The following XPO6 variants were observed in gnomAD, a reference collection of about 807,000 sequenced individuals.
XPO6 encodes exportin 6.
A neutral mutation model predicts 130.0 loss-of-function variants in XPO6; 3 were observed. That is an observed-to-expected ratio of 0.02 (90% CI 0.01 to 0.06). The LOEUF (loss-of-function observed/expected upper bound fraction) is 0.06, where lower values mean the gene tolerates loss of function less well. Among genes scored for constraint, XPO6 ranks in the 10% least tolerant of loss-of-function variants. The probability of loss-of-function intolerance (pLI) is 1.00; values close to 1 mark genes in which losing one functional copy is unlikely to be tolerated. For synonymous variants in XPO6, 524 were observed against 548.9 expected (o/e 0.95, Z 0.63); for missense variants, 970 against 1,393.0 (o/e 0.70, Z 4.83).
At chr16:28,177,457 G>T in intron 2 of XPO6, 125 bp from the exon 3 acceptor site, 2 of 550,516 alleles carry the variant, frequency 3.6e-6, no homozygotes, top group Non-Finnish European at 6.6e-6. Flanking sequence ...CAAAACCAGC[G>T]GATTCTTTAA....
chr16:28,204,641 T>C (rs2044000904), intron 1 of XPO6, among the ~76,000 whole-genome samples: 1 of 152,134 alleles, frequency 6.6e-6, no homozygotes, highest in Non-Finnish European at 1.5e-5. Flanking sequence ...TGTTGGGTTA[T>C]AGGTGTCCTG....
At position 28,211,595 on chromosome 16, in the gene XPO6, C is replaced by T. The variant is rs1315914487; in HGVS notation, c.-227G>A. 7.3e-6 allele frequency: 3 copies of T among 412,440 alleles called. No homozygotes were observed. Among genetic ancestry groups the T allele is most frequent in the East Asian group, 7.1e-5 (2 of 28,042 alleles). 25.5% of individuals were successfully genotyped at this position (412,440 alleles called of 1,614,324 possible). ...ATTCATCCAGACCCACCCGCCCCTC[C>T]CCAAGGAAACTGAAAAAGCAGGAAA... On this transcript the variant is annotated 5_prime_UTR_variant, in exon 1 of 24. Transcript: ENST00000304658.
At chr16:28,168,047 A>G (rs866047129) in intron 5 of XPO6, among the ~76,000 whole-genome samples, 3 of 152,302 alleles carry the variant, frequency 2.0e-5, no homozygotes, top group African/African-American at 4.8e-5. Context: ...AATATACTAA[A>G]AGCCGGTCAA....
intron 13 of XPO6, among the ~76,000 whole-genome samples, 166 bp from the exon 14 acceptor site, chr16:28,121,928 T>C (rs1368038055): frequency 6.6e-6 from 1 of 152,202 alleles, no homozygotes; most frequent in Admixed American, 6.5e-5. Context: ...ATCTGAGATA[T>C]GCATAAAGAT....
chr16:28,139,642 T>C (rs1300394940), intron 9 of XPO6, among the ~76,000 whole-genome samples: 1 of 152,054 alleles, frequency 6.6e-6, no homozygotes, highest in African/African-American at 2.4e-5. Context: ...GCTAAAGGAC[T>C]CTAATCTATA....
intron 11 of XPO6, 72 bp downstream of exon 11, chr16:28,133,769 G>T: frequency 7.1e-7 from 1 of 1,407,786 alleles, no homozygotes; most frequent in South Asian, 1.2e-5. Flanking sequence ...GAGAGATCCA[G>T]GGGAGTCAAC....
rs903692777 is a variant in XPO6 at position 28,109,725 on chromosome 16, A to G, written c.2342-2048T>C. Among the ~76,000 whole-genome samples, 5 of 152,246 alleles carry G rather than the reference A, an allele frequency of 3.3e-5. 1 individual carries two copies. Among genetic ancestry groups the G allele is most frequent in the African/African-American group, 1.2e-4 (5 of 41,462 alleles). On this transcript the variant is annotated intron_variant, in intron 17 of 23. Transcript: ENST00000304658. ...TAAAGAGATATAACAACCAAACACA[A>G]TAAAACTATCCTAGATTACATCCTG...
At chr16:28,126,173 ACAAGGAGGCACACC>A in intron 12 of XPO6, among the ~76,000 whole-genome samples, 1 of 152,304 alleles carries the variant, frequency 6.6e-6, no homozygotes, top group Non-Finnish European at 1.5e-5. Context: ...ACTGTTACAT[ACAAGGAGGCACACC>A]CAGGGAGGCC....
intron 8 of XPO6, among the ~76,000 whole-genome samples, chr16:28,150,097 C>A (rs890635751): frequency 6.6e-6 from 1 of 152,172 alleles, no homozygotes; most frequent in African/African-American, 2.4e-5. Context: ...GGTTTACCCA[C>A]AGTAAGCTGG....
chr16:28,116,582 G>T (rs1404008755), intron 15 of XPO6, among the ~76,000 whole-genome samples: 1 of 151,926 alleles, frequency 6.6e-6, no homozygotes, highest in Non-Finnish European at 1.5e-5. Context: ...AGAGACATGT[G>T]ACTCTTCCTT....
chr16:28,139,489 C>T lies in XPO6; in HGVS notation c.1335-4165G>A, dbSNP rs536059710. Among the ~76,000 whole-genome samples, 5 of 152,288 alleles carry T rather than the reference C, an allele frequency of 3.3e-5. No homozygotes were observed. In the East Asian group the frequency reaches 9.6e-4, roughly 29 times the overall value. ...AAGGAAGGAAAAGCAAGAGAAATGG[C>T]AATGTCTGGGTAAATCTAATAGACT... is the stretch of plus-strand genomic sequence containing the variant. On this transcript the variant is annotated intron_variant, in intron 9 of 23. Transcript: ENST00000304658.
intron 9 of XPO6, among the ~76,000 whole-genome samples, chr16:28,136,251 C>T (rs2141292267): frequency 6.6e-6 from 1 of 152,270 alleles, no homozygotes; most frequent in South Asian, 2.1e-4. Flanking sequence ...GACAGAGTCT[C>T]CTCTGTCACC....
rs115887233 is a variant in XPO6, at chr16:28,161,936, T to C, written c.643+4572A>G. Among the ~76,000 whole-genome samples the C allele has an allele frequency of 5.5e-3, 833 of 152,342 alleles. 7 individuals are homozygous for C. Among genetic ancestry groups the C allele is most frequent in the African/African-American group, 0.019 (781 of 41,580 alleles). On this transcript the variant is annotated intron_variant, in intron 6 of 23. Transcript: ENST00000304658. ...TTTAAATACAGAAAAATATTCCTAA[T>C]TGTTCTCCTCTGTATTAAAGTGAAA...
chr16:28,101,552 A>T lies in XPO6; in HGVS notation c.3182T>A (p.Phe1061Tyr), dbSNP rs1292672455. 1.2e-6 allele frequency: 2 copies of T among 1,614,250 alleles called. No individual in the cohort carries two copies. Among genetic ancestry groups the T allele is most frequent in the Non-Finnish European group, 1.7e-6 (2 of 1,180,054 alleles). The stretch of plus-strand genomic sequence containing the variant: ...GAACTCTGGGAGGAAGGCGGCAAAG[A>T]AGCCATCAAAGTCGACTGAGGCCAT... ...YNMASVDFDG[F>Y]FAAFLPEFLT... is the part of the protein sequence containing the mutation. Residue 1061 changes from phenylalanine to tyrosine, a missense_variant, in exon 23 of 24, where the codon TTC (phenylalanine) becomes TAC (tyrosine). Physicochemically the swap from Phe to Tyr is conservative, Grantham distance 22 (BLOSUM62 3). Around this residue, in one of 4 missense-constraint regions of XPO6, gnomAD observed 936 missense variants for 1,306.8 expected, o/e 0.72. Coordinates refer to ENST00000304658, the MANE Select transcript of XPO6 (RefSeq NM_015171.4). This position sits in a 1 kb window ranked among gnomAD's most constrained non-coding sequence, Gnocchi z 5.4.
chr16:28,104,196 GGCAGCTCCCC>G (rs1328251110), intron 21 of XPO6, among the ~76,000 whole-genome samples: 2 of 152,168 alleles, frequency 1.3e-5, no homozygotes, highest in African/African-American at 4.8e-5. Flanking sequence ...CTCATATTCA[GGCAGCTCCCC>G]GCTAAGAAGG....
chr16:28,199,050 G>A (rs1384788844), intron 1 of XPO6, among the ~76,000 whole-genome samples: 2 of 152,158 alleles, frequency 1.3e-5, no homozygotes, highest in African/African-American at 4.8e-5. Flanking sequence ...TAAGGCAGGA[G>A]AATCGCTTGA....
intron 15 of XPO6, among the ~76,000 whole-genome samples, chr16:28,113,518 A>C (rs2086981657): frequency 6.6e-6 from 1 of 152,220 alleles, no homozygotes; most frequent in East Asian, 1.9e-4. Context: ...TGGTTCAATT[A>C]CCACTGTTGC....
intron 14 of XPO6, among the ~76,000 whole-genome samples, chr16:28,120,815 G>C (rs1323871047): frequency 1.3e-5 from 2 of 152,204 alleles, no homozygotes; most frequent in Non-Finnish European, 2.9e-5. Flanking sequence ...AAACCCGAGT[G>C]TATATATTTT....
intron 13 of XPO6, among the ~76,000 whole-genome samples, chr16:28,124,147 TC>T (rs1280956564): frequency 1.3e-5 from 2 of 149,826 alleles, no homozygotes; most frequent in African/African-American, 4.9e-5. Flanking sequence ...AACCTCCGCC[TC>T]CCAGGTTCAA....
Sources: allele counts gnomAD v4.1 joint callset (sites outside exome capture counted in the v4.1 genomes callset), GRCh38; gene constraint gnomAD v4.1.1; regional missense constraint gnomAD v4.1.1; non-coding constraint Gnocchi (gnomAD v3.1); transcripts MANE v1.5; gene names NCBI Gene and HGNC (gene_info 2026-07-23, HGNC 2026-07-21).